CTNND2: variants seen among roughly 807,000 people sequenced by gnomAD.
The protein encoded by CTNND2 is catenin delta-2.
CTNND2 carries 22 observed loss-of-function variants against 144.4 expected under a neutral mutation model. The ratio of observed to expected loss-of-function variants is 0.15; its 90% CI spans 0.11 to 0.22. CTNND2 has a LOEUF of 0.22. CTNND2 is among the 10% of genes least tolerant of loss of function. CTNND2 has a pLI of 1.00. For synonymous variants in CTNND2, 751 were observed against 695.6 expected (o/e 1.08, Z -1.25); for missense variants, 1,353 against 1,618.8 (o/e 0.84, Z 2.82).
chr5:11,149,328 T>C (rs557301824), intron 12 of CTNND2, among the ~76,000 whole-genome samples: 18 of 152,310 alleles, frequency 1.2e-4, no homozygotes, highest in African/African-American at 4.3e-4. Flanking sequence ...AATTACATTG[T>C]TGTTCCAAAA....
intron 3 of CTNND2, among the ~76,000 whole-genome samples, chr5:11,449,402 C>A (rs756406955): frequency 2.6e-5 from 4 of 152,252 alleles, no homozygotes; most frequent in East Asian, 3.9e-4. Context: ...TTATCCTAGC[C>A]AAAAACCACA....
chr5:11,547,971 C>A (rs1450322497), intron 3 of CTNND2, among the ~76,000 whole-genome samples: 1 of 152,098 alleles, frequency 6.6e-6, no homozygotes, highest in East Asian at 1.9e-4. Flanking sequence ...CAGAAGAAAA[C>A]CCTGCAGACT....
chr5:11,279,499 A>C (rs148937566), intron 9 of CTNND2, among the ~76,000 whole-genome samples: 1 of 151,978 alleles, frequency 6.6e-6, no homozygotes, highest in Non-Finnish European at 1.5e-5. Context: ...CCTGCTTCTG[A>C]TCTTACCCCC....
chr5:11,650,985 G>A (rs1782617151), intron 2 of CTNND2, among the ~76,000 whole-genome samples: 1 of 152,200 alleles, frequency 6.6e-6, no homozygotes, highest in Non-Finnish European at 1.5e-5. Context: ...AGAAATTCAA[G>A]CCAGCTGCAG....
In CTNND2 at chr5:11,842,064, T is replaced by C. The variant is rs545822536; in HGVS notation, c.37+61753A>G. 3.9e-5 allele frequency among the ~76,000 whole-genome samples: 6 copies of C among 152,086 alleles called. 1 individual carries two copies. Among genetic ancestry groups the C allele is most frequent in the African/African-American group, 1.4e-4 (6 of 41,476 alleles). ...TTCCACACTGGCTGATCTTGTAGAC[T>C]AGACAGGGCAAGAGATGTAATTTGC... On this transcript the variant is annotated intron_variant, in intron 1 of 21. Coordinates refer to ENST00000304623, the MANE Select transcript of CTNND2 (RefSeq NM_001332.4).
rs143343664 is a variant in CTNND2, at chr5:11,407,498, G to A, written c.439+4038C>T. On this transcript the variant is annotated intron_variant, in intron 5 of 21. Coordinates refer to ENST00000304623, the MANE Select transcript of CTNND2 (RefSeq NM_001332.4). ...GCTTGTCTTGAGGTCAAAAAGATGCGTACTGTGACTCAAATTTTATTTTAA... is the reference window on the plus strand; with the variant it reads ...GCTTGTCTTGAGGTCAAAAAGATGCATACTGTGACTCAAATTTTATTTTAA... Among the ~76,000 whole-genome samples, 19 of 152,290 alleles carry A rather than the reference G, an allele frequency of 1.2e-4. No homozygotes were observed. In the East Asian group the frequency reaches 1.7e-3, roughly 14 times the overall value.
chr5:11,582,035 A>G (rs1333716615), intron 2 of CTNND2, among the ~76,000 whole-genome samples: 1 of 152,230 alleles, frequency 6.6e-6, no homozygotes, highest in African/African-American at 2.4e-5. Flanking sequence ...ACTGAGATTA[A>G]CAAAGGATGG....
chr5:11,515,038 T>C (rs183965923), intron 3 of CTNND2, among the ~76,000 whole-genome samples: 9 of 151,584 alleles, frequency 5.9e-5, no homozygotes, highest in Admixed American at 3.9e-4. Context: ...TAATGAGAAC[T>C]TGAAATGGAA....
intron 9 of CTNND2, among the ~76,000 whole-genome samples, chr5:11,294,069 T>C (rs1036868174): frequency 5.9e-5 from 9 of 151,578 alleles, no homozygotes; most frequent in Non-Finnish European, 1.3e-4. Flanking sequence ...TTCAATTTTC[T>C]TGACATTTGC....
chr5:11,448,136 A>G (rs1028976713), intron 3 of CTNND2, among the ~76,000 whole-genome samples: 1 of 152,190 alleles, frequency 6.6e-6, no homozygotes, highest in Non-Finnish European at 1.5e-5. Context: ...AACTGCACAC[A>G]TCTGAGGATT....
intron 2 of CTNND2, among the ~76,000 whole-genome samples, chr5:11,674,937 G>A (rs1259120426): frequency 6.6e-6 from 1 of 151,958 alleles, no homozygotes; most frequent in Non-Finnish European, 1.5e-5. Context: ...CATGCTGGCC[G>A]GGCTGGTCTC....
At chr5:11,612,203 G>C (rs1438793648) in intron 2 of CTNND2, among the ~76,000 whole-genome samples, 1 of 152,110 alleles carries the variant, frequency 6.6e-6, no homozygotes, top group Non-Finnish European at 1.5e-5. Context: ...AAATGTTGTT[G>C]ACTTGGGGAA....
chr5:11,196,648 T>TA (rs1243324844), intron 11 of CTNND2, among the ~76,000 whole-genome samples: 2 of 152,228 alleles, frequency 1.3e-5, no homozygotes, highest in African/African-American at 4.8e-5. Flanking sequence ...TCTTGTACCC[T>TA]ACTCCACCTC....
At chr5:11,313,351 T>C (rs1751180890) in intron 9 of CTNND2, among the ~76,000 whole-genome samples, 1 of 152,174 alleles carries the variant, frequency 6.6e-6, no homozygotes, top group Non-Finnish European at 1.5e-5. Context: ...ACAAGGTTTT[T>C]CCAAGGCTCA....
rs61751761 is a variant in CTNND2, at chr5:11,215,319, T to G, written c.1762-15658A>C. On this transcript the variant is annotated intron_variant, in intron 10 of 21. Transcript: ENST00000304623. ...TCATGCACCTCTAAAAATGTTTTTCTTACAGCTTTATCTTTTTATTTCATG... is the reference window on the plus strand; with the variant it reads ...TCATGCACCTCTAAAAATGTTTTTCGTACAGCTTTATCTTTTTATTTCATG... Among the ~76,000 whole-genome samples the G allele has an allele frequency of 7.0e-3, 1,068 of 152,362 alleles. 13 individuals are homozygous for G. Among genetic ancestry groups the G allele is most frequent in the African/African-American group, 0.024 (1,006 of 41,578 alleles).
intron 1 of CTNND2, among the ~76,000 whole-genome samples, chr5:11,860,660 G>A (rs775360137): frequency 7.2e-5 from 11 of 152,168 alleles, no homozygotes; most frequent in Non-Finnish European, 1.5e-4. Flanking sequence ...CAACAGATAT[G>A]TAAAGAAACT....
chr5:10,983,730 G>A (rs1737587584), intron 20 of CTNND2, among the ~76,000 whole-genome samples: 1 of 152,050 alleles, frequency 6.6e-6, no homozygotes, highest in African/African-American at 2.4e-5. Flanking sequence ...CATCCACCCT[G>A]TTACCAACAG....
chr5:11,142,068 C>T (rs1234880729), intron 12 of CTNND2, among the ~76,000 whole-genome samples: 1 of 152,158 alleles, frequency 6.6e-6, no homozygotes, highest in African/African-American at 2.4e-5. Context: ...CACCATATGC[C>T]AGCCCCCTGA....
chr5:11,860,641 T>C (rs1427567830), intron 1 of CTNND2, among the ~76,000 whole-genome samples: 2 of 152,236 alleles, frequency 1.3e-5, no homozygotes, highest in African/African-American at 4.8e-5. Context: ...AGTGCTATAA[T>C]TTACCTTACA....
Sources: gnomAD v4.1 joint callset for allele counts (sites outside exome capture counted in the v4.1 genomes callset) on GRCh38, gnomAD v4.1.1 for gene constraint, MANE v1.5 for transcripts, NCBI Gene and HGNC (gene_info 2026-07-23, HGNC 2026-07-21) for gene names.